The following CNBD2 variants were observed in gnomAD, a reference collection of about 807,000 sequenced individuals.
CNBD2 encodes cyclic nucleotide binding domain containing 2, also known as cyclic nucleotide-binding domain-containing protein 2.
CNBD2 carries 64 observed loss-of-function variants against 63.7 expected under a neutral mutation model. That is an observed-to-expected ratio of 1.00 (90% CI 0.82 to 1.24). The LOEUF (loss-of-function observed/expected upper bound fraction) is 1.24, where lower values mean the gene tolerates loss of function less well. Among genes scored for constraint, CNBD2 ranks in the 50% most tolerant of loss-of-function variants. The pLI is 0.00. For synonymous variants in CNBD2, 229 were observed against 255.4 expected (o/e 0.90, Z 0.99); for missense variants, 691 against 713.5 (o/e 0.97, Z 0.36).
At chr20:35,969,322 T>C (rs1178496345) in intron 1 of CNBD2, among the ~76,000 whole-genome samples, 2 of 152,212 alleles carry the variant, frequency 1.3e-5, no homozygotes, top group African/African-American at 2.4e-5. Flanking sequence ...TGCCTGACAA[T>C]AGTAAATTGT....
At chr20:35,993,489 G>A (rs1008404130) in intron 7 of CNBD2, among the ~76,000 whole-genome samples, 6 of 152,118 alleles carry the variant, frequency 3.9e-5, no homozygotes, top group African/African-American at 7.2e-5. Context: ...AATAATATGT[G>A]ACCATTAAAC....
chr20:35,975,727 A>G (rs2056507082), intron 2 of CNBD2, among the ~76,000 whole-genome samples: 1 of 148,792 alleles, frequency 6.7e-6, no homozygotes, highest in Non-Finnish European at 1.5e-5. Context: ...CCACCCCCAT[A>G]TTTCTCTGCC....
intron 8 of CNBD2, among the ~76,000 whole-genome samples, chr20:35,996,655 A>G (rs917986660): frequency 6.6e-6 from 1 of 151,918 alleles, no homozygotes; most frequent in African/African-American, 2.4e-5. Context: ...TTACGGGCAC[A>G]TGCCACCATG....
At chr20:36,011,749 A>G (rs981192073) in intron 10 of CNBD2, among the ~76,000 whole-genome samples, 2 of 152,206 alleles carry the variant, frequency 1.3e-5, no homozygotes, top group African/African-American at 4.8e-5. Flanking sequence ...AATTCCAAAC[A>G]ATTTTTTTAA....
chr20:35,962,851 T>TATTAG (rs2056319076), intron 2 of CNBD2, among the ~76,000 whole-genome samples: 1 of 152,258 alleles, frequency 6.6e-6, no homozygotes, highest in Admixed American at 6.5e-5. Context: ...GTGCAACCTC[T>TATTAG]ATTAGGTTTT....
intron 4 of CNBD2, 77 bp downstream of exon 4, chr20:35,980,699 A>G (rs773093022): frequency 1.0e-4 from 144 of 1,408,866 alleles, no homozygotes; most frequent in Non-Finnish European, 1.3e-4. Context: ...AAGGTGTGGC[A>G]GGTCCTGCCC....
intron 11 of CNBD2, among the ~76,000 whole-genome samples, chr20:36,027,883 C>G (rs1259438762): frequency 2.6e-5 from 4 of 152,102 alleles, no homozygotes; most frequent in African/African-American, 9.7e-5. Context: ...CCAGGCTGGT[C>G]TCGAACTCCC....
chr20:36,001,885 C>G (rs558616691), intron 8 of CNBD2, among the ~76,000 whole-genome samples: 3 of 150,692 alleles, frequency 2.0e-5, no homozygotes, highest in Non-Finnish European at 4.4e-5. Flanking sequence ...GGATGGCGGC[C>G]GGGCAGAGAC....
At position 35,963,172 on chromosome 20, in the gene CNBD2, G is replaced by T. The variant is rs528388689; in HGVS notation, c.228+5398G>T. ...CAGCCTGGGCAACGTAGTGAGACCA[G>T]ATCTCTACAAATTAAAAAATTAGTC... is the stretch of plus-strand genomic sequence containing the variant. On this transcript the variant is annotated intron_variant, in intron 2 of 4. Transcript: ENST00000622112. Among the ~76,000 whole-genome samples the T allele has an allele frequency of 2.0e-5, 3 of 150,922 alleles. No homozygotes were observed. In the South Asian group the frequency reaches 6.3e-4, roughly 32 times the overall value.
chr20:35,999,122 T>C lies in CNBD2; in HGVS notation c.970+3970T>C, dbSNP rs144715775. On this transcript the variant is annotated intron_variant, in intron 8 of 11. Coordinates refer to ENST00000373973, the MANE Select transcript of CNBD2 (RefSeq NM_001365709.1). ...ATGTAAATTCAGCCACTTCTTTTGATTTAGTGTAGCTTCCTCTTGATTAGT... is the reference window on the plus strand; with the variant it reads ...ATGTAAATTCAGCCACTTCTTTTGACTTAGTGTAGCTTCCTCTTGATTAGT... 3.3e-3 allele frequency among the ~76,000 whole-genome samples: 504 copies of C among 152,298 alleles called. 10 individuals carry two copies. Among genetic ancestry groups the C allele is most frequent in the African/African-American group, 0.011 (467 of 41,564 alleles).
chr20:36,004,461 A>G (rs1207057175), intron 8 of CNBD2, among the ~76,000 whole-genome samples: 1 of 152,068 alleles, frequency 6.6e-6, no homozygotes, highest in Non-Finnish European at 1.5e-5. Context: ...TCCCTGCACC[A>G]TGGCCCAGAA....
exon 1 of CNBD2, chr20:35,954,771 G>A (rs2056234165): frequency 6.2e-6 from 3 of 486,214 alleles, no homozygotes; most frequent in South Asian, 4.0e-5. Flanking sequence ...TTGCGTGCGG[G>A]CGCCCCTTCT....
upstream of CNBD2, among the ~76,000 whole-genome samples, chr20:35,965,206 G>A (rs1250406320): frequency 1.4e-5 from 2 of 139,980 alleles, no homozygotes; most frequent in South Asian, 2.3e-4. Context: ...TTTTTGAGAC[G>A]GAGTCTCATT....
At chr20:35,994,235 T>C (rs2056789532) in intron 7 of CNBD2, among the ~76,000 whole-genome samples, 2 of 152,026 alleles carry the variant, frequency 1.3e-5, no homozygotes, top group African/African-American at 4.8e-5. Flanking sequence ...CCGGCTAATT[T>C]TGTATTTTTA....
chr20:36,015,543 G>A (rs1425287936), intron 10 of CNBD2, among the ~76,000 whole-genome samples: 1 of 152,098 alleles, frequency 6.6e-6, no homozygotes, highest in African/African-American at 2.4e-5. Flanking sequence ...GACTAGGGCA[G>A]GAAATACACA....
intron 2 of CNBD2, among the ~76,000 whole-genome samples, chr20:35,975,441 C>T (rs1422647299): frequency 9.4e-6 from 1 of 105,908 alleles, no homozygotes; most frequent in African/African-American, 4.1e-5. Flanking sequence ...GCTGGGACTA[C>T]AGGCGCCCGC....
intron 1 of CNBD2, among the ~76,000 whole-genome samples, chr20:35,970,480 T>G (rs1018369582): frequency 6.6e-6 from 1 of 152,102 alleles, no homozygotes; most frequent in Admixed American, 6.6e-5. Context: ...CACTGCAACC[T>G]CCACCTCCCA....
upstream of CNBD2, among the ~76,000 whole-genome samples, chr20:35,967,656 CA>C (rs371492429): frequency 6.3e-4 from 96 of 151,638 alleles, no homozygotes; most frequent in East Asian, 0.018. Flanking sequence ...AGCTTGAGAC[CA>C]GCCTGGGCAA....
rs1246752532 is a variant in CNBD2, at chr20:35,980,503, T to G, written c.288T>G (p.Pro96=). Reference sequence around the variant, plus strand: ...CCATTCAGATCATGCAGAAGAAGCCTTCCTGGAGAACAGAGGATGAGATCC... The same window carrying G: ...CCATTCAGATCATGCAGAAGAAGCCGTCCTGGAGAACAGAGGATGAGATCC... ...PKAIQIMQKK[P]SWRTEDEIQA... is the part of the protein sequence containing the mutation. The change falls in exon 4 of 12, where the codon CCT becomes CCG. Residue 96 remains proline, a synonymous_variant. Coordinates refer to ENST00000373973, the MANE Select transcript of CNBD2 (RefSeq NM_001365709.1). The G allele has an allele frequency of 1.2e-6, 2 of 1,614,192 alleles. No individual in the cohort carries two copies. Among genetic ancestry groups the G allele is most frequent in the African/African-American group, 2.7e-5 (2 of 75,056 alleles).
Sources: gnomAD v4.1 joint callset for allele counts (sites outside exome capture counted in the v4.1 genomes callset) on GRCh38, gnomAD v4.1.1 for gene constraint, MANE v1.5 for transcripts, NCBI Gene and HGNC (gene_info 2026-07-23, HGNC 2026-07-21) for gene names.